The following FAM76A variants were observed in gnomAD, a reference collection of about 807,000 sequenced individuals.
FAM76A encodes protein FAM76A.
Under a neutral mutation model 46.2 loss-of-function variants are expected in FAM76A, and 32 were observed. The ratio of observed to expected loss-of-function variants is 0.69; its 90% CI spans 0.52 to 0.93. The LOEUF (loss-of-function observed/expected upper bound fraction) is 0.93, where lower values mean the gene tolerates loss of function less well. Ranked by LOEUF, FAM76A falls within the 40% of genes least tolerant of loss-of-function variation. The pLI, the probability that FAM76A is intolerant of heterozygous loss-of-function variation, is 0.00. For missense variants in FAM76A, 274 were observed against 361.5 expected (o/e 0.76, Z 1.96); for synonymous variants, 137 against 127.0 (o/e 1.08, Z -0.53).
intron 6 of FAM76A, among the ~76,000 whole-genome samples, chr1:27,754,022 A>C (rs548974446): frequency 1.1e-4 from 16 of 152,186 alleles, no homozygotes; most frequent in African/African-American, 2.9e-4. Flanking sequence ...CCTCACTCTA[A>C]AAACCACCCA....
At chr1:27,728,247 A>T (rs1172250187) in intron 2 of FAM76A, among the ~76,000 whole-genome samples, 1 of 152,228 alleles carries the variant, frequency 6.6e-6, no homozygotes, top group Non-Finnish European at 1.5e-5. Context: ...AGATTGAAGA[A>T]TTTATAAGCC....
At chr1:27,755,137 G>A in intron 6 of FAM76A, 58 bp from the exon 7 acceptor site, 1 of 1,598,534 alleles carries the variant, frequency 6.3e-7, no homozygotes, top group Non-Finnish European at 8.5e-7. Flanking sequence ...TGCATCCTCA[G>A]GTAGAGAAAA....
At chr1:27,735,329 T>G (rs770867440) in intron 4 of FAM76A, among the ~76,000 whole-genome samples, 4 of 152,230 alleles carry the variant, frequency 2.6e-5, no homozygotes, top group Non-Finnish European at 4.4e-5. Flanking sequence ...CTTGCTTATT[T>G]GGTTGCATGT....
intron 4 of FAM76A, among the ~76,000 whole-genome samples, chr1:27,735,081 C>G (rs2088022792): frequency 6.6e-6 from 1 of 152,226 alleles, no homozygotes. Context: ...TACCTCTCAC[C>G]TTGCTCCAGC....
At chr1:27,755,452 C>T (rs2088395113) in intron 7 of FAM76A, 122 bp downstream of exon 7, 1 of 1,290,964 alleles carries the variant, frequency 7.7e-7, no homozygotes, top group Admixed American at 1.8e-5. Flanking sequence ...GTTGGGATAT[C>T]CTGGGGAGAG....
At chr1:27,745,181 T>G (rs555449523) in intron 5 of FAM76A, among the ~76,000 whole-genome samples, 1 of 152,258 alleles carries the variant, frequency 6.6e-6, no homozygotes, top group Admixed American at 6.6e-5. Context: ...CCTAGGTTTG[T>G]CCTGGTGGCA....
At chr1:27,747,775 G>T (rs1250748620) in intron 5 of FAM76A, among the ~76,000 whole-genome samples, 1 of 152,056 alleles carries the variant, frequency 6.6e-6, no homozygotes, top group Non-Finnish European at 1.5e-5. Flanking sequence ...AATTAACTGG[G>T]TGTGGTGGCT....
intron 4 of FAM76A, among the ~76,000 whole-genome samples, chr1:27,738,684 C>A (rs1053808575): frequency 6.6e-6 from 1 of 152,096 alleles, no homozygotes; most frequent in South Asian, 2.1e-4. Flanking sequence ...CTTACTCTCA[C>A]AGAGCTTACA....
intron 6 of FAM76A, among the ~76,000 whole-genome samples, chr1:27,752,605 C>T (rs547611542): frequency 2.0e-5 from 3 of 152,154 alleles, no homozygotes; most frequent in East Asian, 1.9e-4. Flanking sequence ...TTTTATTCTC[C>T]GTCTGAAATG....
rs74063888 is a variant in FAM76A at position 27,744,977 on chromosome 1, T to A, written c.512+166T>A. On this transcript the variant is annotated intron_variant, in intron 5 of 8. Coordinates refer to ENST00000373954, the MANE Select transcript of FAM76A (RefSeq NM_152660.3). ...TTTGTCATATTTTATAGTTCATATA[T>A]CTTCCAAGGACCAGAGAGATTTCCA... is the stretch of plus-strand genomic sequence containing the variant. 9.0e-4 allele frequency among the ~76,000 whole-genome samples: 137 copies of A among 152,380 alleles called. 1 individual carries two copies. The highest frequency in any genetic ancestry group is 6.8e-3 in the Middle Eastern group (2 of 294).
chr1:27,727,537 G>A lies in FAM76A; in HGVS notation c.146+1G>A, dbSNP rs1325070954. On this transcript the variant is annotated splice_donor_variant, in intron 2 of 8. Transcript: ENST00000373954. LOFTEE classifies it high-confidence loss of function. The stretch of plus-strand genomic sequence containing the variant: ...GCAGGACTGAGTACCAGCAGGAGAG[G>A]TAGAGTTTTGTTGACCATGAAAGAT... 6.2e-7 allele frequency: 1 copy of A among 1,612,614 alleles called. No individual in the cohort carries two copies. Among genetic ancestry groups the A allele is most frequent in the Non-Finnish European group, 8.5e-7 (1 of 1,178,688 alleles).
In FAM76A at chr1:27,749,122, C is replaced by T; in HGVS notation, c.567C>T (p.Ser189=). 6.2e-7 allele frequency: 1 copy of T among 1,606,778 alleles called. No individual in the cohort carries two copies. The highest frequency in any genetic ancestry group is 8.5e-7 in the Non-Finnish European group (1 of 1,178,532). The change falls in exon 6 of 9, where the codon TCC becomes TCT. Residue 189 remains serine, a synonymous_variant. Transcript: ENST00000373954. The part of the protein sequence containing the change: ...SIQNEIPKKK[S]KFESITTNGD... ...AAAATGAAATCCCAAAGAAAAAGTC[C>T]AAGTTTGAGTCAATCACAACTAATG...
intron 4 of FAM76A, 118 bp downstream of exon 4, chr1:27,734,301 A>G: frequency 2.9e-6 from 3 of 1,042,130 alleles, no homozygotes; most frequent in East Asian, 3.0e-5. Context: ...TAATCCCAGC[A>G]CTTTGGGAGG....
Position 27,748,782 on chromosome 1 carries a change from C to T in FAM76A, c.513-286C>T, listed in dbSNP as rs553308096. Among the ~76,000 whole-genome samples the T allele has an allele frequency of 2.6e-5, 4 of 152,184 alleles. No individual in the cohort carries two copies. In the South Asian group the frequency reaches 8.3e-4, roughly 32 times the overall value. On this transcript the variant is annotated intron_variant, in intron 5 of 8. Transcript: ENST00000373954. The stretch of plus-strand genomic sequence containing the variant: ...AGGCGTGAGCCACCGCACCCGGCCT[C>T]TTATTGAAGTTTTATTGATATTTGT...
chr1:27,743,530 C>G (rs2088190398), intron 4 of FAM76A, among the ~76,000 whole-genome samples: 1 of 152,044 alleles, frequency 6.6e-6, no homozygotes, highest in South Asian at 2.1e-4. Flanking sequence ...TTTGGGAGGC[C>G]AAGACAGGAG....
chr1:27,744,981 C>A (rs2088218265), intron 5 of FAM76A, among the ~76,000 whole-genome samples, 170 bp downstream of exon 5: 1 of 152,180 alleles, frequency 6.6e-6, no homozygotes, highest in South Asian at 2.1e-4. Context: ...CATATATCTT[C>A]CAAGGACCAG....
intron 5 of FAM76A, among the ~76,000 whole-genome samples, chr1:27,747,683 G>A (rs1162264027): frequency 2.0e-5 from 3 of 152,166 alleles, no homozygotes; most frequent in Admixed American, 6.5e-5. Flanking sequence ...TTGGGAGGCC[G>A]AGGCAGGTGG....
chr1:27,744,832 A>T (rs774096981), intron 5 of FAM76A, 21 bp downstream of exon 5: 2 of 1,610,514 alleles, frequency 1.2e-6, no homozygotes, highest in Non-Finnish European at 1.7e-6. Flanking sequence ...GACACATGAG[A>T]TGGGACTAGA....
chr1:27,739,951 G>A, intron 4 of FAM76A: 1 of 261,204 alleles, frequency 3.8e-6, no homozygotes. Flanking sequence ...GGGAGCCAGT[G>A]CTATGGCTTT....
Sources: allele counts gnomAD v4.1 joint callset (sites outside exome capture counted in the v4.1 genomes callset), GRCh38; gene constraint gnomAD v4.1.1; transcripts MANE v1.5; gene names NCBI Gene and HGNC (gene_info 2026-07-23, HGNC 2026-07-21).